BICC1: variants seen among roughly 807,000 people sequenced by gnomAD.
The protein encoded by BICC1 is BicC family RNA binding protein 1.
In BICC1, 43 loss-of-function variants were observed where a neutral mutation model predicts 111.0. The observed-to-expected ratio is 0.39, with a 90% CI of 0.30 to 0.50. The LOEUF (loss-of-function observed/expected upper bound fraction) is 0.50, where lower values mean the gene tolerates loss of function less well. Among genes scored for constraint, BICC1 ranks in the 20% least tolerant of loss-of-function variants. BICC1 has a pLI of 0.88. For synonymous variants in BICC1, 467 were observed against 434.4 expected (o/e 1.07, Z -0.93); for missense variants, 1,091 against 1,203.2 (o/e 0.91, Z 1.38).
intron 17 of BICC1, among the ~76,000 whole-genome samples, chr10:58,809,686 C>A (rs775529033): frequency 1.3e-5 from 2 of 152,138 alleles, no homozygotes; most frequent in Non-Finnish European, 2.9e-5. Flanking sequence ...GCTAGTTATG[C>A]TTTTTTATAT....
At chr10:58,664,334 T>G (rs905284458) in intron 2 of BICC1, among the ~76,000 whole-genome samples, 50 of 152,224 alleles carry the variant, frequency 3.3e-4, no homozygotes, top group African/African-American at 1.2e-3. Flanking sequence ...TTTTTTAATG[T>G]GCTTAATCAT....
At chr10:58,521,479 AG>A (rs1409562149) in intron 1 of BICC1, among the ~76,000 whole-genome samples, 3 of 152,062 alleles carry the variant, frequency 2.0e-5, no homozygotes, top group African/African-American at 4.8e-5. Context: ...TGGGGAGCAA[AG>A]GACATGGAAA....
At chr10:58,786,814 T>C in intron 4 of BICC1, 109 bp from the exon 5 acceptor site, 1 of 663,834 alleles carries the variant, frequency 1.5e-6, no homozygotes, top group Non-Finnish European at 2.3e-6. Context: ...GAAATAAGAT[T>C]TCCCACTGAC....
upstream of BICC1, among the ~76,000 whole-genome samples, chr10:58,512,469 CTGCTG>C (rs892146538): frequency 1.1e-4 from 17 of 152,242 alleles, no homozygotes; most frequent in African/African-American, 4.1e-4. Flanking sequence ...GTTCAGGACT[CTGCTG>C]TGCTTGAACT....
At chr10:58,543,901 T>C (rs1843065428) in intron 1 of BICC1, among the ~76,000 whole-genome samples, 1 of 151,718 alleles carries the variant, frequency 6.6e-6, no homozygotes, top group Non-Finnish European at 1.5e-5. Flanking sequence ...AAATTTGCCT[T>C]AGGTAAACCT....
chr10:58,782,218 G>A (rs1327540165), intron 3 of BICC1, among the ~76,000 whole-genome samples: 1 of 152,048 alleles, frequency 6.6e-6, no homozygotes, highest in Non-Finnish European at 1.5e-5. Flanking sequence ...CTCTTAAATC[G>A]GATACGAGGC....
chr10:58,813,577 A>G (rs1298705069), intron 17 of BICC1, among the ~76,000 whole-genome samples: 1 of 151,960 alleles, frequency 6.6e-6, no homozygotes, highest in African/African-American at 2.4e-5. Context: ...GGCTCTCAGA[A>G]CTCTCCCTCA....
At position 58,565,460 on chromosome 10, in the gene BICC1, T is replaced by TG. The variant is rs1323075042; in HGVS notation, c.190+52132dup. Among the ~76,000 whole-genome samples the TG allele has an allele frequency of 2.0e-5, 3 of 152,154 alleles. No homozygotes were observed. The South Asian group carries it at 6.2e-4, about 32-fold the overall frequency. ...CTCTGCCTCTGTGTAGCCTATTCCT[T>TG]GGGGGTTTAGGAAAGAGGGCAATAA... On this transcript the variant is annotated intron_variant, in intron 1 of 20. Coordinates refer to ENST00000373886, the MANE Select transcript of BICC1 (RefSeq NM_001080512.3).
At chr10:58,751,870 A>G (rs1351666973) in intron 3 of BICC1, among the ~76,000 whole-genome samples, 2 of 152,152 alleles carry the variant, frequency 1.3e-5, no homozygotes, top group East Asian at 3.9e-4. Context: ...AGGGAATCTA[A>G]TGCATTTGGA....
intron 1 of BICC1, among the ~76,000 whole-genome samples, chr10:58,517,124 G>C (rs1842263578): frequency 6.6e-6 from 1 of 152,070 alleles, no homozygotes; most frequent in East Asian, 1.9e-4. Flanking sequence ...CAGAAGCATA[G>C]GTATTTTCAA....
At chr10:58,609,812 A>G (rs1010480890) in intron 1 of BICC1, among the ~76,000 whole-genome samples, 7 of 152,208 alleles carry the variant, frequency 4.6e-5, no homozygotes, top group Admixed American at 3.3e-4. Flanking sequence ...TAATTCCATT[A>G]AACTATGAAC....
chr10:58,631,764 A>T (rs1288265328), intron 2 of BICC1, among the ~76,000 whole-genome samples: 1 of 152,214 alleles, frequency 6.6e-6, no homozygotes, highest in Admixed American at 6.5e-5. Context: ...AAAACAAAAC[A>T]GAAAAATAAC....
At chr10:58,609,430 G>A (rs1189656479) in intron 1 of BICC1, among the ~76,000 whole-genome samples, 2 of 152,198 alleles carry the variant, frequency 1.3e-5, no homozygotes, top group Admixed American at 1.3e-4. Context: ...TGACAGCAAA[G>A]TTAGTTATTA....
rs1046612859 is a variant in BICC1 at position 58,830,077 on chromosome 10, A to T, written c.*1186A>T. ...GTATCTGTCTGCTTGAAGTAGACTT[A>T]TGTTTGTTGAGAATGAACAGGCTTA... On this transcript the variant is annotated 3_prime_UTR_variant, in exon 21 of 21. Transcript: ENST00000373886. 2.6e-5 allele frequency: 4 copies of T among 151,872 alleles called. No homozygotes were observed. Among genetic ancestry groups the T allele is most frequent in the Admixed American group, 6.6e-5 (1 of 15,240 alleles). The allele number at this position is 151,872 out of a possible 1,614,324, so 9.4% of individuals were successfully genotyped here. A position where few individuals can be genotyped will look rare whatever the true frequency, so the allele number is the denominator to read the frequency against.
chr10:58,580,574 A>G (rs1408498193), intron 1 of BICC1, among the ~76,000 whole-genome samples: 1 of 152,206 alleles, frequency 6.6e-6, no homozygotes. Context: ...GATAAGGGAT[A>G]TTCAACCTGT....
chr10:58,604,794 A>T (rs1845155959), intron 1 of BICC1, among the ~76,000 whole-genome samples: 1 of 152,220 alleles, frequency 6.6e-6, no homozygotes, highest in African/African-American at 2.4e-5. Flanking sequence ...AGAATACCAT[A>T]TACTGGATAG....
chr10:58,674,406 C>T (rs1280125168), intron 2 of BICC1, among the ~76,000 whole-genome samples: 3 of 151,994 alleles, frequency 2.0e-5, no homozygotes, highest in East Asian at 3.9e-4. Flanking sequence ...GAAAATGAGA[C>T]AATATATTTC....
At chr10:58,542,358 A>G (rs1288078342) in intron 1 of BICC1, among the ~76,000 whole-genome samples, 1 of 152,074 alleles carries the variant, frequency 6.6e-6, no homozygotes, top group Non-Finnish European at 1.5e-5. Flanking sequence ...ACCTTATACC[A>G]GATTAAAAAA....
At chr10:58,521,783 T>G (rs1371774677) in intron 1 of BICC1, among the ~76,000 whole-genome samples, 7 of 29,824 alleles carry the variant, frequency 2.3e-4, no homozygotes, top group Non-Finnish European at 3.7e-4. Flanking sequence ...TTTTTTTTTT[T>G]TTTTTTTTTT....
Sources: gnomAD v4.1 joint callset for allele counts (sites outside exome capture counted in the v4.1 genomes callset) on GRCh38, gnomAD v4.1.1 for gene constraint, MANE v1.5 for transcripts, NCBI Gene and HGNC (gene_info 2026-07-23, HGNC 2026-07-21) for gene names.